Variants in CFAP299 observed in about 807,000 individuals in gnomAD.
CFAP299 encodes cilia- and flagella-associated protein 299.
In CFAP299, 21 loss-of-function variants were observed where a neutral mutation model predicts 27.0. The ratio of observed to expected loss-of-function variants is 0.78; its 90% confidence interval spans 0.55 to 1.12. The LOEUF is 1.12. CFAP299 is among the 50% of genes most tolerant of loss of function. The probability of loss-of-function intolerance (pLI) is 0.00; values close to 1 mark genes in which losing one functional copy is unlikely to be tolerated. For missense variants in CFAP299, 310 were observed against 276.6 expected (o/e 1.12, Z -0.86); for synonymous variants, 104 against 98.1 (o/e 1.06, Z -0.36).
intron 2 of CFAP299, among the ~76,000 whole-genome samples, chr4:80,549,748 A>G (rs1734409312): frequency 6.6e-6 from 1 of 152,094 alleles, no homozygotes. Context: ...TAAATACTGT[A>G]TTTGAATGAA....
chr4:80,932,217 C>A (rs1455465108), intron 4 of CFAP299, among the ~76,000 whole-genome samples: 2 of 152,134 alleles, frequency 1.3e-5, no homozygotes, highest in Non-Finnish European at 2.9e-5. Context: ...AACCTTCTGA[C>A]TGTGCCATAA....
At chr4:80,498,417 T>A (rs1333729312) in intron 2 of CFAP299, among the ~76,000 whole-genome samples, 4 of 151,686 alleles carry the variant, frequency 2.6e-5, no homozygotes, top group Non-Finnish European at 5.9e-5. Flanking sequence ...AGAATAGTAT[T>A]AAAAATTGGG....
chr4:80,658,065 T>C (rs945288620), intron 3 of CFAP299, among the ~76,000 whole-genome samples: 2 of 152,194 alleles, frequency 1.3e-5, no homozygotes, highest in Non-Finnish European at 2.9e-5. Flanking sequence ...TGCTTGTGAT[T>C]TTTGCACATT....
chr4:80,848,909 T>C (rs1731333657), intron 3 of CFAP299, among the ~76,000 whole-genome samples: 1 of 152,192 alleles, frequency 6.6e-6, no homozygotes, highest in South Asian at 2.1e-4. Context: ...AGTGAGTGCA[T>C]GTGAAGGCCT....
At chr4:80,836,759 G>T (rs937189350) in intron 3 of CFAP299, among the ~76,000 whole-genome samples, 2 of 152,042 alleles carry the variant, frequency 1.3e-5, no homozygotes, top group African/African-American at 4.8e-5. Context: ...GCATGATTCT[G>T]CCTGCTACAT....
intron 3 of CFAP299, among the ~76,000 whole-genome samples, chr4:80,738,550 T>C (rs1486325609): frequency 6.6e-6 from 1 of 152,054 alleles, no homozygotes; most frequent in Non-Finnish European, 1.5e-5. Context: ...GGATAGCTGC[T>C]CCTGCTCTTT....
intron 2 of CFAP299, among the ~76,000 whole-genome samples, chr4:80,494,956 A>G (rs1159792368): frequency 6.6e-6 from 1 of 152,230 alleles, no homozygotes; most frequent in East Asian, 1.9e-4. Flanking sequence ...CAAAGTGATT[A>G]TGGTAATGAA....
At chr4:80,322,093 A>G in the CFAP299 span, among the ~76,000 whole-genome samples, 1 of 152,116 alleles carries the variant, frequency 6.6e-6, no homozygotes, top group South Asian at 2.1e-4. Flanking sequence ...GGCAATTGTG[A>G]CTGACCAATA....
intron 4 of CFAP299, among the ~76,000 whole-genome samples, chr4:80,938,204 C>T (rs912868828): frequency 7.9e-5 from 12 of 152,050 alleles, no homozygotes; most frequent in Non-Finnish European, 8.8e-5. Context: ...GGGAACAGGC[C>T]CCCCAAAATC....
intron 3 of CFAP299, among the ~76,000 whole-genome samples, chr4:80,848,728 A>T (rs540404742): frequency 1.3e-5 from 2 of 152,306 alleles, no homozygotes; most frequent in East Asian, 3.9e-4. Context: ...GTAAGCCATG[A>T]TCACACTAAT....
chr4:80,399,824 G>T (rs535829750), intron 2 of CFAP299, among the ~76,000 whole-genome samples: 1 of 152,150 alleles, frequency 6.6e-6, no homozygotes, highest in East Asian at 1.9e-4. Flanking sequence ...GTGTACCCTA[G>T]AACTTAAAGT....
chr4:80,669,812 A>G (rs1034350804), intron 3 of CFAP299, among the ~76,000 whole-genome samples: 7 of 151,800 alleles, frequency 4.6e-5, no homozygotes, highest in Non-Finnish European at 1.0e-4. Context: ...CTTCAGTACA[A>G]TGATAGCTGT....
rs369901545 is a variant in CFAP299 at position 80,380,082 on chromosome 4, G to T, written c.242+17198G>T. On this transcript the variant is annotated intron_variant, in intron 2 of 5. Transcript: ENST00000358105. Reference sequence around the variant, plus strand: ...TTTGATTTATGTATTTTGATATTCTGATGCTAGATACATATGCTTCATGAT... The same window carrying T: ...TTTGATTTATGTATTTTGATATTCTTATGCTAGATACATATGCTTCATGAT... Among the ~76,000 whole-genome samples the T allele has an allele frequency of 2.2e-4, 34 of 151,976 alleles. 1 individual carries two copies. The highest frequency in any genetic ancestry group is 6.6e-4 in the Admixed American group (10 of 15,266).
intron 3 of CFAP299, among the ~76,000 whole-genome samples, chr4:80,780,055 T>C (rs1454594211): frequency 6.6e-6 from 1 of 152,026 alleles, no homozygotes; most frequent in Non-Finnish European, 1.5e-5. Context: ...ATATTCCTAC[T>C]CTTATTGCCA....
At chr4:80,801,582 T>C (rs548683067) in intron 3 of CFAP299, among the ~76,000 whole-genome samples, 20 of 150,662 alleles carry the variant, frequency 1.3e-4, no homozygotes, top group African/African-American at 4.0e-4. Flanking sequence ...TTATGAATTA[T>C]TAAATCAGAA....
intron 1 of CFAP299, among the ~76,000 whole-genome samples, chr4:80,339,341 C>T (rs1480653861): frequency 6.6e-6 from 1 of 152,102 alleles, no homozygotes; most frequent in Non-Finnish European, 1.5e-5. Context: ...CGTGAGTTTG[C>T]CAACAATTTG....
chr4:80,890,582 G>A (rs1156739493), intron 4 of CFAP299, among the ~76,000 whole-genome samples: 3 of 149,774 alleles, frequency 2.0e-5, no homozygotes, highest in Non-Finnish European at 4.4e-5. Flanking sequence ...ACCCAGTAAT[G>A]GGATGGCTGG....
chr4:80,950,503 A>T (rs958747371), intron 5 of CFAP299, among the ~76,000 whole-genome samples: 1 of 152,128 alleles, frequency 6.6e-6, no homozygotes, highest in South Asian at 2.1e-4. Context: ...AATGAAAGAG[A>T]TAGCATTTGA....
intron 3 of CFAP299, among the ~76,000 whole-genome samples, chr4:80,791,755 T>G (rs1727581933): frequency 6.6e-6 from 1 of 151,884 alleles, no homozygotes; most frequent in African/African-American, 2.4e-5. Context: ...TATTTTTACC[T>G]GAAGAAATGA....
Sources: allele counts gnomAD v4.1 joint callset (sites outside exome capture counted in the v4.1 genomes callset), GRCh38; gene constraint gnomAD v4.1.1; transcripts MANE v1.5; gene names NCBI Gene and HGNC (gene_info 2026-07-23, HGNC 2026-07-21).